The following DNAAF9 variants were observed in gnomAD, a reference collection of about 807,000 sequenced individuals.
DNAAF9 encodes the protein shulin.
Under a neutral mutation model 167.0 loss-of-function variants are expected in DNAAF9, and 90 were observed. The observed-to-expected ratio is 0.54, with a 90% CI of 0.45 to 0.64. The LOEUF is 0.64. Among genes scored for constraint, DNAAF9 ranks in the 30% least tolerant of loss-of-function variants. The pLI is 0.00. For missense variants in DNAAF9, 1,315 were observed against 1,442.2 expected (o/e 0.91, Z 1.43); for synonymous variants, 491 against 508.8 (o/e 0.96, Z 0.47).
intron 1 of DNAAF9, among the ~76,000 whole-genome samples, chr20:3,394,804 C>A (rs1034549471): frequency 6.6e-6 from 1 of 151,856 alleles, no homozygotes; most frequent in African/African-American, 2.4e-5. Flanking sequence ...AGGAATACTG[C>A]GCTTAAAAAA....
chr20:3,359,410 G>A (rs1030274605), intron 7 of DNAAF9, 106 bp downstream of exon 7: 9 of 785,150 alleles, frequency 1.1e-5, no homozygotes, highest in African/African-American at 5.4e-5. Flanking sequence ...TTTTTTGACC[G>A]AAGCAAACTA....
intron 12 of DNAAF9, among the ~76,000 whole-genome samples, 192 bp downstream of exon 12, chr20:3,330,454 C>T (rs2069803491): frequency 6.6e-6 from 1 of 151,824 alleles, no homozygotes; most frequent in Admixed American, 6.6e-5. Flanking sequence ...GTTGCCCAGG[C>T]TGGTCTCGAA....
chr20:3,348,179 G>C (rs933426362), intron 8 of DNAAF9, among the ~76,000 whole-genome samples: 1 of 151,996 alleles, frequency 6.6e-6, no homozygotes, highest in Non-Finnish European at 1.5e-5. Flanking sequence ...TCATCTGCTT[G>C]GAAAGACATC....
intron 17 of DNAAF9, among the ~76,000 whole-genome samples, chr20:3,317,275 C>T (rs985456743): frequency 1.1e-4 from 16 of 148,854 alleles, no homozygotes; most frequent in African/African-American, 3.0e-4. Flanking sequence ...GTGGGAAAAT[C>T]GCTTGAGCCC....
rs147689887 is a variant in DNAAF9 at position 3,376,143 on chromosome 20, T to C, written c.408+35A>G. 845 of 1,592,136 alleles carry C rather than the reference T, an allele frequency of 5.3e-4. 2 individuals are homozygous for C. The African/African-American group carries it at 9.9e-3, about 19-fold the overall frequency. On this transcript the variant is annotated intron_variant, in intron 4 of 36. Transcript: ENST00000252032. Reference sequence around the variant, plus strand: ...CTTTCCTTAAAGAGTATTCTTAGAGTGTCTCTAGGTGCCTGTCTTCTCTTT... The same window carrying C: ...CTTTCCTTAAAGAGTATTCTTAGAGCGTCTCTAGGTGCCTGTCTTCTCTTT...
chr20:3,298,152 A>G lies in DNAAF9; in HGVS notation c.1806T>C (p.Ala602=). The change falls in exon 22 of 37, where the codon GCT becomes GCC. Residue 602 remains alanine, a synonymous_variant. Transcript: ENST00000252032. ...YDGDSTSTVA[A]LLIDFKSSLL... is the part of the protein sequence containing the mutation. ...ATGAGCTTTTGAAGTCTATGAGAAGAGCAGCAACAGTACTGGTGGAATCCT... is the reference window on the plus strand; with the variant it reads ...ATGAGCTTTTGAAGTCTATGAGAAGGGCAGCAACAGTACTGGTGGAATCCT... The G allele has an allele frequency of 6.2e-7, 1 of 1,613,992 alleles. No individual in the cohort carries two copies. The highest frequency in any genetic ancestry group is 8.5e-7 in the Non-Finnish European group (1 of 1,179,896).
chr20:3,268,817 A>T (rs6037523), intron 30 of DNAAF9, among the ~76,000 whole-genome samples: 37,869 of 151,814 alleles, frequency 0.25, 5,320 homozygotes, highest in African/African-American at 0.37. Context: ...TGTGTACACA[A>T]ACAAAATCAC....
chr20:3,377,069 AAAAAAT>A (rs141074841), intron 3 of DNAAF9, among the ~76,000 whole-genome samples: 7,514 of 152,212 alleles, frequency 0.049, 582 homozygotes, highest in African/African-American at 0.17. Context: ...ACTCCGTCTC[AAAAAAT>A]AAAAATAAAA....
chr20:3,270,701 A>C, intron 29 of DNAAF9, 139 bp from the exon 30 acceptor site: 1 of 638,476 alleles, frequency 1.6e-6, no homozygotes. Flanking sequence ...ACACCCCAAT[A>C]CCAACATAAA....
chr20:3,381,370 T>C lies in DNAAF9; in HGVS notation c.283+9A>G, dbSNP rs1312865519. The stretch of plus-strand genomic sequence containing the variant: ...TTCTATCACACAGAGTTTACCAATA[T>C]ATACTTACCATCTAGTACTTCTTCA... On this transcript the variant is annotated intron_variant, in intron 3 of 36. Coordinates refer to ENST00000252032, the MANE Select transcript of DNAAF9 (RefSeq NM_001009984.3). 1.9e-6 allele frequency: 3 copies of C among 1,602,696 alleles called. No homozygotes were observed. Among genetic ancestry groups the C allele is most frequent in the Non-Finnish European group, 1.7e-6 (2 of 1,170,492 alleles).
At chr20:3,316,887 G>GTTTT in intron 17 of DNAAF9, 94 bp from the exon 18 acceptor site, 3 of 456,458 alleles carry the variant, frequency 6.6e-6, no homozygotes, top group South Asian at 3.1e-5. Flanking sequence ...AGGAGCTAGG[G>GTTTT]TTCTTTTTTT....
chr20:3,294,329 GT>G, intron 24 of DNAAF9, 73 bp from the exon 25 acceptor site: 2 of 1,032,778 alleles, frequency 1.9e-6, no homozygotes, highest in South Asian at 1.4e-5. Context: ...ACATGAAAAA[GT>G]TTTTACTTAA....
chr20:3,380,843 T>C (rs1568639822), intron 3 of DNAAF9, among the ~76,000 whole-genome samples: 1 of 152,208 alleles, frequency 6.6e-6, no homozygotes, highest in Non-Finnish European at 1.5e-5. Context: ...GCAGAGTGTC[T>C]CAGTGCTACG....
intron 4 of DNAAF9, 33 bp downstream of exon 4, chr20:3,376,145 T>C: frequency 6.3e-7 from 1 of 1,599,162 alleles, no homozygotes. Flanking sequence ...TCTTAGAGTG[T>C]CTCTAGGTGC....
Position 3,264,442 on chromosome 20 carries a change from C to T in DNAAF9, c.2869G>A (p.Gly957Ser). 7.1e-7 allele frequency: 1 copy of T among 1,415,276 alleles called. No individual in the cohort carries two copies. 87.7% of individuals were successfully genotyped at this position (1,415,276 alleles called of 1,614,324 possible). ...MLRSRYLMYP[G>S]WYEGKLNAGS... ...TTTTTCAATGATGATACTTGCCAGC[C>T]AGGATACATTAAATATCGAGATCGT... Residue 957 changes from glycine (G) to serine (S), a missense_variant, in exon 31 of 37, where the codon GGC (glycine) becomes AGC (serine). Physicochemically the swap from Gly to Ser is moderately conservative, Grantham distance 56. This residue lies in a region of DNAAF9 where 334 missense variants were observed against 429.7 expected (regional missense o/e 0.78). Coordinates refer to ENST00000252032, the MANE Select transcript of DNAAF9 (RefSeq NM_001009984.3).
chr20:3,340,436 CCCCACCCA>C (rs1397908582), intron 10 of DNAAF9, 60 bp downstream of exon 10: 1 of 192,362 alleles, frequency 5.2e-6, no homozygotes, highest in Non-Finnish European at 1.1e-5. Flanking sequence ...GTCTAGCTCC[CCCCACCCA>C]CCCCACCCCC....
At chr20:3,300,956 A>C (rs2069175148) in intron 21 of DNAAF9, among the ~76,000 whole-genome samples, 1 of 151,756 alleles carries the variant, frequency 6.6e-6, no homozygotes, top group Non-Finnish European at 1.5e-5. Flanking sequence ...GTTTTAAAAA[A>C]ATTAATAGAA....
chr20:3,326,093 G>A (rs762190785), intron 13 of DNAAF9, 104 bp downstream of exon 13: 10 of 818,114 alleles, frequency 1.2e-5, no homozygotes, highest in South Asian at 3.3e-5. Context: ...GCCCAAGCTC[G>A]CACAAAAGTG....
chr20:3,385,511 G>A (rs753972631), intron 1 of DNAAF9, among the ~76,000 whole-genome samples: 3 of 151,740 alleles, frequency 2.0e-5, no homozygotes, highest in African/African-American at 7.3e-5. Flanking sequence ...TCTAACTCCC[G>A]GACTCATGGG....
Sources: allele counts gnomAD v4.1 joint callset (sites outside exome capture counted in the v4.1 genomes callset), GRCh38; gene constraint gnomAD v4.1.1; regional missense constraint gnomAD v4.1.1; transcripts MANE v1.5; gene names NCBI Gene and HGNC (gene_info 2026-07-23, HGNC 2026-07-21).